Variants in SNX25 observed in about 807,000 individuals in gnomAD.
SNX25 encodes sorting nexin 25, also known as sorting nexin-25.
Under a neutral mutation model 113.7 loss-of-function variants are expected in SNX25, and 62 were observed. The observed-to-expected ratio is 0.55, with a 90% confidence interval of 0.44 to 0.67. The LOEUF is 0.67. Ranked by LOEUF, SNX25 falls within the 30% of genes least tolerant of loss-of-function variation. The pLI is 0.00. For synonymous variants in SNX25, 421 were observed against 436.2 expected, an observed-to-expected ratio of 0.97 and a Z score of 0.43; for missense variants, 1,014 against 1,161.0, an observed-to-expected ratio of 0.87 and a Z score of 1.84.
intron 1 of SNX25, among the ~76,000 whole-genome samples, chr4:185,244,946 C>A (rs1020142254): frequency 6.6e-6 from 1 of 152,058 alleles, no homozygotes; most frequent in African/African-American, 2.4e-5. Context: ...TAATCAAGGA[C>A]TGGAAATTCT....
downstream of SNX25, among the ~76,000 whole-genome samples, chr4:185,368,788 CTGTTT>C (rs2095402195): frequency 2.1e-5 from 3 of 145,262 alleles, no homozygotes; most frequent in South Asian, 2.2e-4. Context: ...AGATTGGAAT[CTGTTT>C]TGTTTTTTTT....
chr4:185,318,015 T>C (rs574942871), intron 7 of SNX25, among the ~76,000 whole-genome samples: 1 of 152,128 alleles, frequency 6.6e-6, no homozygotes, highest in African/African-American at 2.4e-5. Flanking sequence ...AGTAAATAAA[T>C]GGATATACTG....
rs1157957047 is a variant in SNX25, at chr4:185,339,521, C to T, written c.2046+11C>T. 6.2e-7 allele frequency: 1 copy of T among 1,600,156 alleles called. No individual in the cohort carries two copies. The highest frequency in any genetic ancestry group is 1.8e-5 in the Admixed American group (1 of 55,578). ...ATCACCAGTGGAGAGGTAGTTTTGA[C>T]TGCTTTTCCTCTTAATTTATTTTAA... On this transcript the variant is annotated intron_variant, in intron 11 of 18. Coordinates refer to ENST00000652585, the MANE Select transcript of SNX25 (RefSeq NM_001378034.2).
chr4:185,353,431 T>C, intron 14 of SNX25, 54 bp from the exon 15 acceptor site: 1 of 1,380,230 alleles, frequency 7.2e-7, no homozygotes, highest in Non-Finnish European at 1.0e-6. Flanking sequence ...AGAACAACTC[T>C]ACCAATTTTC....
upstream of SNX25, among the ~76,000 whole-genome samples, chr4:185,206,897 ACT>A (rs1391801472): frequency 6.6e-6 from 1 of 152,062 alleles, no homozygotes; most frequent in African/African-American, 2.4e-5. Flanking sequence ...GGATGGCATA[ACT>A]CTGAGGCAGT....
At chr4:185,350,396 G>A (rs6833759) in intron 13 of SNX25, among the ~76,000 whole-genome samples, 56,420 of 152,002 alleles carry the variant, frequency 0.37, 13,145 homozygotes, top group African/African-American at 0.67. Context: ...CCTAAGCCCA[G>A]TGTCTTATAA....
At chr4:185,301,036 G>T (rs2126642343) in intron 6 of SNX25, among the ~76,000 whole-genome samples, 1 of 152,246 alleles carries the variant, frequency 6.6e-6, no homozygotes, top group Non-Finnish European at 1.5e-5. Flanking sequence ...AGGCAGGACT[G>T]TCATCTGACT....
At chr4:185,322,911 C>T (rs537620521) in intron 8 of SNX25, among the ~76,000 whole-genome samples, 5 of 152,264 alleles carry the variant, frequency 3.3e-5, no homozygotes, top group South Asian at 2.1e-4. Flanking sequence ...TTGAAAACTG[C>T]GTAACATTTC....
chr4:185,239,300 G>A (rs549086251), intron 1 of SNX25, among the ~76,000 whole-genome samples: 119 of 151,910 alleles, frequency 7.8e-4, no homozygotes, highest in Non-Finnish European at 1.2e-3. Context: ...TGGCCAACAC[G>A]GTGAAACTCC....
intron 6 of SNX25, among the ~76,000 whole-genome samples, chr4:185,302,606 A>G (rs1006737999): frequency 6.6e-6 from 1 of 152,226 alleles, no homozygotes; most frequent in African/African-American, 2.4e-5. Context: ...CTTATAAAAG[A>G]GGCCTCAGAG....
intron 2 of SNX25, among the ~76,000 whole-genome samples, chr4:185,257,942 G>A (rs1374217534): frequency 1.3e-5 from 2 of 152,160 alleles, no homozygotes; most frequent in Admixed American, 6.5e-5. Flanking sequence ...AAACCACACT[G>A]TAATTGAACA....
intron 15 of SNX25, among the ~76,000 whole-genome samples, chr4:185,355,158 C>G (rs1356516739): frequency 6.6e-6 from 1 of 152,214 alleles, no homozygotes; most frequent in Non-Finnish European, 1.5e-5. Flanking sequence ...GTATCTACTA[C>G]AATGCCTGAC....
chr4:185,378,357 C>T, the SNX25 span: 7 of 1,429,746 alleles, frequency 4.9e-6, no homozygotes, highest in East Asian at 1.5e-4. Context: ...AGGACGTGAA[C>T]ATTCTTTACT....
intron 1 of SNX25, among the ~76,000 whole-genome samples, chr4:185,212,491 G>GTGTGTGTGTGTGTTTTTGTTTTT (rs546083196): frequency 1.9e-5 from 2 of 104,944 alleles, no homozygotes; most frequent in African/African-American, 7.4e-5. Flanking sequence ...GTGTGTGTGT[G>GTGTGTGTGTGTGTTTTTGTTTTT]TTTTTTTTTT....
chr4:185,239,978 A>C (rs1249701594), intron 1 of SNX25, among the ~76,000 whole-genome samples: 13 of 150,588 alleles, frequency 8.6e-5, no homozygotes, highest in Non-Finnish European at 1.6e-4. Flanking sequence ...CTTAACGAGC[A>C]TGCTTCCTTC....
At chr4:185,274,974 C>T (rs1364328606) in intron 5 of SNX25, among the ~76,000 whole-genome samples, 1 of 152,114 alleles carries the variant, frequency 6.6e-6, no homozygotes, top group African/African-American at 2.4e-5. Context: ...TGACACAGGG[C>T]TCTAACTTTT....
At chr4:185,292,448 G>A (rs1175603944) in intron 6 of SNX25, among the ~76,000 whole-genome samples, 4 of 152,128 alleles carry the variant, frequency 2.6e-5, no homozygotes, top group African/African-American at 9.7e-5. Flanking sequence ...ACCCGGGCTG[G>A]AGGGCAATGA....
intron 5 of SNX25, among the ~76,000 whole-genome samples, chr4:185,287,029 A>G (rs1344473721): frequency 1.2e-4 from 18 of 152,216 alleles, no homozygotes; most frequent in Admixed American, 1.2e-3. Context: ...AAAGAACTTT[A>G]TTACCAGCAG....
chr4:185,361,687 G>A (rs2095364886), intron 16 of SNX25, among the ~76,000 whole-genome samples: 3 of 151,530 alleles, frequency 2.0e-5, no homozygotes, highest in Admixed American at 6.6e-5. Flanking sequence ...CCAGTGAGCC[G>A]AGATCACACC....
Sources: gnomAD v4.1 joint callset for allele counts (sites outside exome capture counted in the v4.1 genomes callset) on GRCh38, gnomAD v4.1.1 for gene constraint, MANE v1.5 for transcripts, NCBI Gene and HGNC (gene_info 2026-07-23, HGNC 2026-07-21) for gene names.